Variants in PCDH9 observed in about 807,000 individuals in gnomAD.
PCDH9 encodes protocadherin-9.
A neutral mutation model predicts 70.6 loss-of-function variants in PCDH9; 24 were observed. The ratio of observed to expected loss-of-function variants is 0.34; its 90% CI spans 0.25 to 0.48. PCDH9 has a LOEUF of 0.48. Among genes scored for constraint, PCDH9 ranks in the 20% least tolerant of loss-of-function variants. The pLI, the probability that PCDH9 is intolerant of heterozygous loss-of-function variation, is 0.99. For missense variants in PCDH9, 1,281 were observed against 1,503.6 expected (o/e 0.85, Z 2.45); for synonymous variants, 562 against 558.5 (o/e 1.01, Z -0.09).
intron 2 of PCDH9, among the ~76,000 whole-genome samples, chr13:67,174,944 T>C (rs534774793): frequency 7.1e-6 from 1 of 141,612 alleles, no homozygotes; most frequent in African/African-American, 2.6e-5. Flanking sequence ...GGGGCCATAT[T>C]TTGAGACCTC....
rs1394537243 is a variant in PCDH9, at chr13:66,739,437, C to T, written c.3139-108026G>A. ...ACTAGGAAGAAACTGCATCAACTAA[C>T]GAGCAAAATCACCAGCTAACATCAT... On this transcript the variant is annotated intron_variant, in intron 3 of 4. Coordinates refer to ENST00000377865, the MANE Select transcript of PCDH9 (RefSeq NM_203487.3). 4.6e-3 allele frequency among the ~76,000 whole-genome samples: 697 copies of T among 150,460 alleles called. 4 individuals carry two copies. Among genetic ancestry groups the T allele is most frequent in the African/African-American group, 0.016 (659 of 40,880 alleles).
intron 3 of PCDH9, among the ~76,000 whole-genome samples, chr13:66,778,100 G>A (rs1010191993): frequency 2.1e-5 from 3 of 146,118 alleles, no homozygotes; most frequent in Non-Finnish European, 4.5e-5. Flanking sequence ...CATGGACACA[G>A]GAAGGGGAAC....
intron 2 of PCDH9, among the ~76,000 whole-genome samples, chr13:67,066,378 C>T (rs1393652195): frequency 9.2e-5 from 14 of 151,944 alleles, no homozygotes; most frequent in Admixed American, 5.3e-4. Flanking sequence ...GGATTACAGG[C>T]GCCTGCCACC....
At chr13:66,824,892 T>C (rs1372193425) in intron 3 of PCDH9, among the ~76,000 whole-genome samples, 1 of 151,564 alleles carries the variant, frequency 6.6e-6, no homozygotes. Context: ...TCTATCCTCA[T>C]AACAGGAGAG....
Position 67,226,927 on chromosome 13 carries a change from A to G in PCDH9, c.1514T>C (p.Val505Ala), listed in dbSNP as rs1316370345. Residue 505 changes from valine (V) to alanine (A), a missense_variant, in exon 2 of 5, where the codon GTT becomes GCT. By Grantham distance (64) the Val-to-Ala change is moderately conservative. Transcript: ENST00000377865. This position sits in a 1 kb window ranked among gnomAD's most constrained non-coding sequence, Gnocchi z 5.0. ...DEDSGKNADI[V>A]YQLGPNASFF... is the part of the protein sequence containing the mutation. ...GGAGGCATTCGGTCCAAGCTGATAA[A>G]CAATGTCTGCATTTTTCCCACTGTC... The G allele has an allele frequency of 1.3e-5, 21 of 1,614,074 alleles. No homozygotes were observed. The highest frequency in any genetic ancestry group is 1.4e-5 in the Non-Finnish European group (17 of 1,180,026).
intron 3 of PCDH9, among the ~76,000 whole-genome samples, chr13:66,702,352 T>C (rs1048302246): frequency 6.6e-6 from 1 of 151,972 alleles, no homozygotes; most frequent in Non-Finnish European, 1.5e-5. Context: ...TATGTATGTA[T>C]GAAATCAAAA....
intron 4 of PCDH9, among the ~76,000 whole-genome samples, chr13:66,475,193 A>G (rs1958699709): frequency 6.6e-6 from 1 of 152,106 alleles, no homozygotes. Flanking sequence ...TGTTGGTTGT[A>G]GAGACTATCT....
In PCDH9 at chr13:66,308,897, T is replaced by TAAAAAC. The variant is rs1164459507; in HGVS notation, c.3341-3875_3341-3870dup. Among the ~76,000 whole-genome samples, 18 of 151,908 alleles carry TAAAAAC rather than the reference T, an allele frequency of 1.2e-4. No individual in the cohort carries two copies. The East Asian group carries it at 3.5e-3, about 29-fold the overall frequency. Reference sequence around the variant, plus strand: ...AAAACTGAGCCAAGACAGCAAAAAATAAAAACAAAAACAAAAACAAAACCT... The same window carrying TAAAAAC: ...AAAACTGAGCCAAGACAGCAAAAAATAAAAACAAAAACAAAAACAAAAACAAAACCT... On this transcript the variant is annotated intron_variant, in intron 4 of 4. Transcript: ENST00000377865.
At chr13:66,367,679 C>T (rs1397507438) in intron 4 of PCDH9, among the ~76,000 whole-genome samples, 1 of 152,098 alleles carries the variant, frequency 6.6e-6, no homozygotes, top group African/African-American at 2.4e-5. Flanking sequence ...TAGAGCCTCA[C>T]ATTTTTGAAG....
chr13:66,659,528 T>C (rs919641985), intron 3 of PCDH9, among the ~76,000 whole-genome samples: 5 of 151,104 alleles, frequency 3.3e-5, no homozygotes, highest in African/African-American at 1.2e-4. Context: ...ATCCCTCCAC[T>C]TAAGTTATGT....
chr13:67,217,503 C>T (rs1286677401), intron 2 of PCDH9: 2 of 151,998 alleles, frequency 1.3e-5, no homozygotes, highest in African/African-American at 4.8e-5. Flanking sequence ...TAGTCAAAGA[C>T]ATTAAGTATT....
rs375314712 is a variant in PCDH9 at position 67,225,941 on chromosome 13, C to T, written c.2500G>A (p.Val834Ile). Residue 834 changes from valine (V) to isoleucine (I), a missense_variant, in exon 2 of 5, where the codon GTT (valine) becomes ATT (isoleucine). By Grantham distance (29) the Val-to-Ile change is conservative (BLOSUM62 3). Transcript: ENST00000377865. ...MVVIVVIFVT[V>I]LVRCRHASRF... ...GATGCATGGCGACAGCGCACCAGAA[C>T]GGTGACGAAGATCACAACAATGACC... 6 of 1,614,128 alleles carry T rather than the reference C, an allele frequency of 3.7e-6. No individual in the cohort carries two copies. Among genetic ancestry groups the T allele is most frequent in the Admixed American group, 3.3e-5 (2 of 60,028 alleles).
chr13:67,004,337 G>A (rs562757334), intron 2 of PCDH9, among the ~76,000 whole-genome samples: 3 of 151,654 alleles, frequency 2.0e-5, no homozygotes, highest in African/African-American at 4.8e-5. Flanking sequence ...TTGGGAGGCC[G>A]AGCCAGGTGG....
Position 67,227,893 on chromosome 13 carries a change from T to A in PCDH9, c.548A>T (p.Asn183Ile), listed in dbSNP as rs750849560. ...FNGVQHYELLNGQSVFGLDIV... is the reference protein window; with the variant it reads ...FNGVQHYELLIGQSVFGLDIV... ...ATCCAGTCCAAAAACACTCTGCCCATTTAACAATTCATAATGCTGTACACC... is the reference window on the plus strand; with the variant it reads ...ATCCAGTCCAAAAACACTCTGCCCAATTAACAATTCATAATGCTGTACACC... Residue 183 changes from asparagine to isoleucine, a missense_variant, in exon 2 of 5, where the codon AAT becomes ATT. This residue lies in a region of PCDH9 where 798 missense variants were observed against 1,003.1 expected (regional missense o/e 0.80). Transcript: ENST00000377865. This position sits in a 1 kb window ranked among gnomAD's most constrained non-coding sequence, Gnocchi z 4.6. The A allele has an allele frequency of 5.6e-6, 9 of 1,614,120 alleles. No individual in the cohort carries two copies. In the South Asian group the frequency reaches 9.9e-5, roughly 18 times the overall value.
At chr13:66,775,791 A>G (rs1249913205) in intron 3 of PCDH9, among the ~76,000 whole-genome samples, 1 of 152,094 alleles carries the variant, frequency 6.6e-6, no homozygotes, top group Non-Finnish European at 1.5e-5. Flanking sequence ...GGGGAGTCAA[A>G]AGTTATGCAT....
intron 4 of PCDH9, among the ~76,000 whole-genome samples, chr13:66,307,174 A>AT (rs1346098406): frequency 1.3e-5 from 2 of 151,734 alleles, no homozygotes; most frequent in Non-Finnish European, 2.9e-5. Context: ...CCTTAATTCC[A>AT]TTTTTTGTTT....
At chr13:67,085,969 C>T (rs1348251810) in intron 2 of PCDH9, among the ~76,000 whole-genome samples, 2 of 152,072 alleles carry the variant, frequency 1.3e-5, no homozygotes, top group Non-Finnish European at 2.9e-5. Context: ...TCAGACAATC[C>T]TGTGAAACTA....
intron 4 of PCDH9, among the ~76,000 whole-genome samples, chr13:66,561,713 A>G (rs1195811298): frequency 2.0e-5 from 3 of 152,034 alleles, no homozygotes; most frequent in African/African-American, 7.2e-5. Flanking sequence ...TAGTGGGGAC[A>G]TGGAGAACCG....
rs533921978 is a variant in PCDH9, at chr13:66,719,108, G to A, written c.3139-87697C>T. On this transcript the variant is annotated intron_variant, in intron 3 of 4. Coordinates refer to ENST00000377865, the MANE Select transcript of PCDH9 (RefSeq NM_203487.3). The stretch of plus-strand genomic sequence containing the variant: ...CCCACATATTTTAATAATCAATCCC[G>A]AAGATGTAGTCGAAGATGTGGTTTA... Among the ~76,000 whole-genome samples, 32 of 152,226 alleles carry A rather than the reference G, an allele frequency of 2.1e-4. No homozygotes were observed. The South Asian group carries it at 4.8e-3, about 23-fold the overall frequency.
Sources: allele counts gnomAD v4.1 joint callset (sites outside exome capture counted in the v4.1 genomes callset), GRCh38; gene constraint gnomAD v4.1.1; regional missense constraint gnomAD v4.1.1; non-coding constraint Gnocchi (gnomAD v3.1); transcripts MANE v1.5; gene names NCBI Gene and HGNC (gene_info 2026-07-23, HGNC 2026-07-21).